Variants in AK4 observed in about 807,000 individuals in gnomAD.
AK4 encodes adenylate kinase 4, mitochondrial.
In AK4, 13 loss-of-function variants were observed where a neutral mutation model predicts 24.6. The observed-to-expected ratio is 0.53, with a 90% CI of 0.34 to 0.84. The LOEUF (loss-of-function observed/expected upper bound fraction) is 0.84, where lower values mean the gene tolerates loss of function less well. Among genes scored for constraint, AK4 ranks in the 40% least tolerant of loss-of-function variants. The pLI, the probability that AK4 is intolerant of heterozygous loss-of-function variation, is 0.01. For synonymous variants in AK4, 88 were observed against 107.0 expected (o/e 0.82, Z 1.10); for missense variants, 192 against 288.2 (o/e 0.67, Z 2.42).
chr1:65,161,759 G>T (rs1650174466), intron 1 of AK4, among the ~76,000 whole-genome samples: 1 of 152,034 alleles, frequency 6.6e-6, no homozygotes, highest in African/African-American at 2.4e-5. Context: ...CGAGAGGAGA[G>T]GAGACAGAAA....
At chr1:65,201,661 T>G (rs1006834339) in intron 2 of AK4, among the ~76,000 whole-genome samples, 4 of 152,128 alleles carry the variant, frequency 2.6e-5, no homozygotes, top group African/African-American at 9.7e-5. Context: ...AGGTAGGGTC[T>G]TGGGAGCACC....
rs74776795 is a variant in AK4, at chr1:65,185,434, T to C, written c.146-5276T>C. On this transcript the variant is annotated intron_variant, in intron 1 of 4. Transcript: ENST00000327299. ...CTGCCCATCTAGCACCATCTCTTAG[T>C]GGTGGGCTTTTCTTTGACTGTCAGT... Among the ~76,000 whole-genome samples the C allele has an allele frequency of 3.3e-4, 51 of 152,294 alleles. No homozygotes were observed. In the East Asian group the frequency reaches 9.7e-3, roughly 29 times the overall value.
chr1:65,170,531 G>A (rs1202943033), intron 1 of AK4, among the ~76,000 whole-genome samples: 3 of 152,228 alleles, frequency 2.0e-5, no homozygotes, highest in African/African-American at 7.2e-5. Context: ...ATGCGTAGAG[G>A]AGCCTAGCCA....
rs993968514 is a variant in AK4 at position 65,218,910 on chromosome 1, A to G, written c.422A>G (p.Asn141Ser). ...PSGRVYNLDF[N>S]PPHVHGIDDV... ...GGAAGGGTATATAACCTGGACTTCAATCCACCTCATGTACATGTAAGAATA... is the reference window on the plus strand; with the variant it reads ...GGAAGGGTATATAACCTGGACTTCAGTCCACCTCATGTACATGTAAGAATA... Residue 141 changes from asparagine to serine, a missense_variant, in exon 3 of 5, where the codon AAT (asparagine) becomes AGT (serine). By Grantham distance (46) the Asn-to-Ser change is conservative. Transcript: ENST00000327299. The G allele has an allele frequency of 3.8e-6, 6 of 1,586,524 alleles. No individual in the cohort carries two copies. The highest frequency in any genetic ancestry group is 1.2e-5 in the South Asian group (1 of 86,356).
chr1:65,207,443 T>C (rs534724352), intron 2 of AK4, among the ~76,000 whole-genome samples: 1 of 152,234 alleles, frequency 6.6e-6, no homozygotes, highest in South Asian at 2.1e-4. Flanking sequence ...GAAGCTGCCA[T>C]GAGCAGGAAG....
At position 65,163,909 on chromosome 1, in the gene AK4, G is replaced by T. The variant is rs559002281; in HGVS notation, c.145+15357G>T. Among the ~76,000 whole-genome samples the T allele has an allele frequency of 1.1e-4, 17 of 152,192 alleles. 1 individual carries two copies. In the South Asian group the frequency reaches 3.5e-3, roughly 32 times the overall value. On this transcript the variant is annotated intron_variant, in intron 1 of 4. Transcript: ENST00000327299. ...CTTGCTGTCTTCTGTCCTTGGGTGG[G>T]ATGGCAGAACTTGTTGAGCCAGATT...
intron 1 of AK4, among the ~76,000 whole-genome samples, chr1:65,170,628 G>C (rs1650485385): frequency 6.6e-6 from 1 of 152,160 alleles, no homozygotes; most frequent in Admixed American, 6.6e-5. Flanking sequence ...GCTCTAGCTG[G>C]AACTGCTGTT....
chr1:65,210,628 G>T (rs973906694), intron 2 of AK4, among the ~76,000 whole-genome samples: 1 of 152,054 alleles, frequency 6.6e-6, no homozygotes, highest in Admixed American at 6.5e-5. Flanking sequence ...GGTGGTGGTG[G>T]TATTATTATT....
At chr1:65,214,629 T>G (rs548767753) in intron 2 of AK4, among the ~76,000 whole-genome samples, 1 of 152,348 alleles carries the variant, frequency 6.6e-6, no homozygotes, top group Non-Finnish European at 1.5e-5. Context: ...TATTGAGTCC[T>G]GAATGTGTCT....
At chr1:65,173,114 T>G (rs1354916514) in intron 1 of AK4, among the ~76,000 whole-genome samples, 1 of 152,188 alleles carries the variant, frequency 6.6e-6, no homozygotes, top group Non-Finnish European at 1.5e-5. Flanking sequence ...TCCACCTGAC[T>G]TGGCCTCCCA....
chr1:65,213,791 G>A (rs1007195611), intron 2 of AK4, among the ~76,000 whole-genome samples: 2 of 152,134 alleles, frequency 1.3e-5, no homozygotes, highest in Non-Finnish European at 2.9e-5. Flanking sequence ...TGCCCCCCCA[G>A]TACCTCAGAT....
intron 1 of AK4, among the ~76,000 whole-genome samples, chr1:65,188,999 T>G (rs1389814033): frequency 2.0e-5 from 3 of 152,254 alleles, no homozygotes; most frequent in East Asian, 1.9e-4. Flanking sequence ...AGTGGCGCAG[T>G]CTTGGCTCAC....
intron 1 of AK4, among the ~76,000 whole-genome samples, chr1:65,166,298 G>T (rs1472178830): frequency 1.4e-5 from 2 of 145,348 alleles, no homozygotes; most frequent in Non-Finnish European, 3.0e-5. Context: ...GCACAATCCA[G>T]TGGGATTTAA....
chr1:65,215,357 A>G (rs1376413971), intron 2 of AK4, among the ~76,000 whole-genome samples: 2 of 151,862 alleles, frequency 1.3e-5, no homozygotes, highest in African/African-American at 4.8e-5. Context: ...TTTTTAGTAG[A>G]GATGGGGTTT....
At chr1:65,183,110 TAA>T (rs1301030766) in intron 1 of AK4, among the ~76,000 whole-genome samples, 7 of 152,218 alleles carry the variant, frequency 4.6e-5, no homozygotes, top group Admixed American at 1.3e-4. Flanking sequence ...TTTGTGGATT[TAA>T]AGAGTATTCA....
chr1:65,194,161 T>C (rs1651398535), intron 2 of AK4, among the ~76,000 whole-genome samples: 1 of 152,228 alleles, frequency 6.6e-6, no homozygotes, highest in Admixed American at 6.5e-5. Context: ...AATGGTCAAC[T>C]GTATTTGATT....
chr1:65,210,533 G>A (rs967675455), intron 2 of AK4, among the ~76,000 whole-genome samples: 2 of 152,114 alleles, frequency 1.3e-5, no homozygotes, highest in African/African-American at 2.4e-5. Flanking sequence ...AGAAAACCTA[G>A]ATTTCCCCTT....
chr1:65,225,550 A>G (rs1652427075), intron 4 of AK4, among the ~76,000 whole-genome samples: 1 of 152,222 alleles, frequency 6.6e-6, no homozygotes, highest in African/African-American at 2.4e-5. Context: ...AATTTTTTAA[A>G]TAACATGCAA....
At chr1:65,210,989 CTTAG>C (rs1651955694) in intron 2 of AK4, among the ~76,000 whole-genome samples, 1 of 152,172 alleles carries the variant, frequency 6.6e-6, no homozygotes, top group Admixed American at 6.5e-5. Context: ...TCAACTTTTC[CTTAG>C]TCATGTGTTT....
Sources: gnomAD v4.1 joint callset for allele counts (sites outside exome capture counted in the v4.1 genomes callset) on GRCh38, gnomAD v4.1.1 for gene constraint, MANE v1.5 for transcripts, NCBI Gene and HGNC (gene_info 2026-07-23, HGNC 2026-07-21) for gene names.